PTPRE: variants seen among roughly 807,000 people sequenced by gnomAD.
PTPRE encodes the protein receptor-type tyrosine-protein phosphatase epsilon.
Under a neutral mutation model 102.0 loss-of-function variants are expected in PTPRE, and 51 were observed. The ratio of observed to expected loss-of-function variants is 0.50; its 90% CI spans 0.40 to 0.63. The LOEUF (loss-of-function observed/expected upper bound fraction) is 0.63, where lower values mean the gene tolerates loss of function less well. Ranked by LOEUF, PTPRE falls within the 30% of genes least tolerant of loss-of-function variation. The pLI is 0.00. For synonymous variants in PTPRE, 345 were observed against 348.2 expected, an observed-to-expected ratio of 0.99 and a Z score of 0.10; for missense variants, 752 against 915.1, an observed-to-expected ratio of 0.82 and a Z score of 2.30.
At chr10:128,016,329 G>GT (rs1330283532) in intron 2 of PTPRE, among the ~76,000 whole-genome samples, 1 of 152,170 alleles carries the variant, frequency 6.6e-6, no homozygotes. Context: ...TGCAGCTTCT[G>GT]TTACAGTAAA....
Position 128,082,884 on chromosome 10 carries a change from C to A in PTPRE, c.2081C>A (p.Ser694Tyr). 1 of 1,551,730 alleles carries A rather than the reference C, an allele frequency of 6.4e-7. No homozygotes were observed. The change falls in exon 21 of 21, where the codon TCT becomes TAT. Residue 694 changes from serine to tyrosine, a missense_variant. Around this residue, in one of 2 missense-constraint regions of PTPRE, gnomAD observed 636 missense variants for 824.4 expected, o/e 0.77. Transcript: ENST00000254667. ...KVVQDFIDIF[S>Y]DYANFK is the part of the protein sequence containing the mutation. ...GTACAAGATTTTATTGATATATTTT[C>A]TGATTATGCTAATTTCAAATGAAGA...
At position 128,028,021 on chromosome 10, in the gene PTPRE, G is replaced by A. The variant is rs1193695843; in HGVS notation, c.-7-12854G>A. 6.6e-6 allele frequency among the ~76,000 whole-genome samples: 1 copy of A among 152,240 alleles called. No homozygotes were observed. The highest frequency in any genetic ancestry group is 2.4e-5 in the African/African-American group (1 of 41,464). On this transcript the variant is annotated intron_variant, in intron 2 of 20. Coordinates refer to ENST00000254667, the MANE Select transcript of PTPRE (RefSeq NM_006504.6). This position sits in a 1 kb window ranked among gnomAD's most constrained non-coding sequence, Gnocchi z 4.5. Reference sequence around the variant, plus strand: ...CCTCCCCAAGGCAGGACAGGCCATGGCAGAGGCTTCAGGGGAGGGTTCCGG... The same window carrying A: ...CCTCCCCAAGGCAGGACAGGCCATGACAGAGGCTTCAGGGGAGGGTTCCGG...
chr10:128,062,922 A>G, intron 9 of PTPRE, 161 bp from the exon 10 acceptor site: 1 of 1,306,950 alleles, frequency 7.7e-7, no homozygotes, highest in Non-Finnish European at 1.0e-6. Context: ...GGCAGCCCCT[A>G]CCGGTTCCGG....
intron 1 of PTPRE, among the ~76,000 whole-genome samples, chr10:127,961,954 G>A (rs1033610131): frequency 2.0e-5 from 3 of 152,174 alleles, no homozygotes; most frequent in African/African-American, 4.8e-5. Flanking sequence ...CAGGATGTGC[G>A]GCCTGCAGTT....
At chr10:128,064,160 T>G (rs1849856908) in intron 10 of PTPRE, among the ~76,000 whole-genome samples, 1 of 152,160 alleles carries the variant, frequency 6.6e-6, no homozygotes, top group East Asian at 1.9e-4. Context: ...GGAGCTCAGC[T>G]GGGGCAGAAG....
chr10:128,035,304 A>G (rs1177718436), intron 2 of PTPRE, among the ~76,000 whole-genome samples: 4 of 152,196 alleles, frequency 2.6e-5, no homozygotes, highest in Non-Finnish European at 4.4e-5. Context: ...CACACAAAAT[A>G]TGTTATTTTG....
chr10:128,066,407 G>A (rs1342238537), intron 11 of PTPRE, among the ~76,000 whole-genome samples: 1 of 152,244 alleles, frequency 6.6e-6, no homozygotes, highest in Non-Finnish European at 1.5e-5. Flanking sequence ...TGCAGGCAGT[G>A]CTGGGGGCTC....
intron 17 of PTPRE, among the ~76,000 whole-genome samples, chr10:128,074,898 A>G (rs1456480192): frequency 6.6e-6 from 1 of 152,172 alleles, no homozygotes; most frequent in African/African-American, 2.4e-5. Context: ...ATAAGGTTCT[A>G]ATTTCTCCAC....
chr10:128,029,137 G>A (rs1273003883), intron 2 of PTPRE, among the ~76,000 whole-genome samples: 1 of 152,284 alleles, frequency 6.6e-6, no homozygotes, highest in Admixed American at 6.5e-5. Flanking sequence ...GCTGTGCTGT[G>A]GTGCACGTGA....
intron 1 of PTPRE, among the ~76,000 whole-genome samples, chr10:127,948,220 C>T (rs1398995739): frequency 2.0e-5 from 3 of 152,070 alleles, no homozygotes; most frequent in Admixed American, 6.6e-5. Flanking sequence ...CCATCACCCC[C>T]TCCTTTTTTT....
chr10:128,079,150 T>C (rs1851480634), intron 19 of PTPRE, among the ~76,000 whole-genome samples: 1 of 152,162 alleles, frequency 6.6e-6, no homozygotes, highest in Non-Finnish European at 1.5e-5. Flanking sequence ...GGAGAGGGTA[T>C]GCCAAGATTA....
intron 2 of PTPRE, among the ~76,000 whole-genome samples, chr10:128,001,429 G>A (rs185187514): frequency 7.2e-5 from 11 of 152,314 alleles, no homozygotes; most frequent in Non-Finnish European, 8.8e-5. Flanking sequence ...TCCCAGTCAC[G>A]CACTGGGGGA....
At position 128,028,100 on chromosome 10, in the gene PTPRE, G is replaced by A. The variant is rs1026329167; in HGVS notation, c.-7-12775G>A. Among the ~76,000 whole-genome samples, 9 of 152,224 alleles carry A rather than the reference G, an allele frequency of 5.9e-5. No homozygotes were observed. Among genetic ancestry groups the A allele is most frequent in the Non-Finnish European group, 1.2e-4 (8 of 68,050 alleles). ...AGGCAGCGAGCCCAGGACACTGATG[G>A]TGCAGACCACTGGATTTCTGGAGAA... is the stretch of plus-strand genomic sequence containing the variant. On this transcript the variant is annotated intron_variant, in intron 2 of 20. Coordinates refer to ENST00000254667, the MANE Select transcript of PTPRE (RefSeq NM_006504.6). This position sits in a 1 kb window ranked among gnomAD's most constrained non-coding sequence, Gnocchi z 4.5.
At chr10:128,073,605 G>A in intron 17 of PTPRE, 134 bp downstream of exon 17, 2 of 1,144,236 alleles carry the variant, frequency 1.7e-6, no homozygotes, top group Non-Finnish European at 2.4e-6. Flanking sequence ...CACTAGGGAA[G>A]GAGAGAGATT....
chr10:127,966,041 C>T (rs1448186616), intron 1 of PTPRE, among the ~76,000 whole-genome samples: 2 of 152,264 alleles, frequency 1.3e-5, no homozygotes, highest in African/African-American at 4.8e-5. Context: ...GACTCCCACA[C>T]TCACTGTACA....
intron 2 of PTPRE, among the ~76,000 whole-genome samples, chr10:127,990,411 CAAAA>C (rs60034358): frequency 2.9e-4 from 19 of 65,734 alleles, no homozygotes; most frequent in South Asian, 1.1e-3. Context: ...GACTCCACCT[CAAAA>C]AAAAAAAAAA....
chr10:127,981,728 G>A (rs191031534), intron 1 of PTPRE, among the ~76,000 whole-genome samples: 3 of 151,862 alleles, frequency 2.0e-5, no homozygotes, highest in South Asian at 4.2e-4. Flanking sequence ...TGAGGCAGGA[G>A]AATCGCTTGA....
At chr10:128,051,486 T>C (rs957433343) in intron 6 of PTPRE, among the ~76,000 whole-genome samples, 1 of 152,242 alleles carries the variant, frequency 6.6e-6, no homozygotes, top group Non-Finnish European at 1.5e-5. Context: ...GCCGACTGAT[T>C]TTCCCTGTTG....
At chr10:128,018,976 G>GAAACACCACATTGA (rs565248031) in intron 2 of PTPRE, among the ~76,000 whole-genome samples, 3 of 152,350 alleles carry the variant, frequency 2.0e-5, no homozygotes, top group South Asian at 2.1e-4. Context: ...CTGCACCAGG[G>GAAACACCACATTGA]AAACACCACA....
Sources: gnomAD v4.1 joint callset for allele counts (sites outside exome capture counted in the v4.1 genomes callset) on GRCh38, gnomAD v4.1.1 for gene constraint, gnomAD v4.1.1 regional missense constraint, Gnocchi (gnomAD v3.1) non-coding constraint, MANE v1.5 for transcripts, NCBI Gene and HGNC (gene_info 2026-07-23, HGNC 2026-07-21) for gene names.